The following FGF13 variants were observed in gnomAD, a reference collection of about 807,000 sequenced individuals.
FGF13 encodes the protein fibroblast growth factor homologous factor 2.
Under a neutral mutation model 19.5 loss-of-function variants are expected in FGF13, and 2 were observed. The observed-to-expected ratio is 0.10, with a 90% CI of 0.04 to 0.32. The LOEUF (loss-of-function observed/expected upper bound fraction) is 0.32. Ranked by LOEUF, FGF13 falls within the 10% of genes least tolerant of loss-of-function variation. The pLI, the probability that FGF13 is intolerant of heterozygous loss-of-function variation, is 1.00. For synonymous variants in FGF13, 72 were observed against 76.9 expected (o/e 0.94, Z 0.33); for missense variants, 113 against 192.7 (o/e 0.59, Z 2.45).
chrX:138,986,262 C>G (rs1374873658), intron 1 of FGF13, among the ~76,000 whole-genome samples: 1 of 112,012 alleles, frequency 8.9e-6, no homozygotes, highest in Admixed American at 9.5e-5. Context: ...CAATGGAGTT[C>G]AGCTCCATCT....
At position 138,732,751 on chromosome X, in the gene FGF13, G is replaced by GA. The variant is rs1031885812; in HGVS notation, c.28+6490dup. On this transcript the variant is annotated intron_variant, in intron 1 of 4. Coordinates refer to the FGF13 transcript ENST00000305414. ...ATTTTATATAAATTACACTTAAATT[G>GA]AAAAAAAAACTTTAAAAGCAATACA... 1.2e-3 allele frequency among the ~76,000 whole-genome samples: 134 copies of GA among 108,789 alleles called. 1 individual carries two copies. The highest frequency in any genetic ancestry group is 1.7e-3 in the East Asian group (6 of 3,456). 94.5% of individuals were successfully genotyped at this position (108,789 alleles called of 115,157 possible). A position where few individuals can be genotyped will look rare whatever the true frequency, so the allele number is the denominator to read the frequency against.
chrX:139,046,945 T>A (rs2092289513), intron 1 of FGF13, among the ~76,000 whole-genome samples: 1 of 111,651 alleles, frequency 9.0e-6, no homozygotes, highest in Non-Finnish European at 1.9e-5. Context: ...GCTTTGATAA[T>A]ACAAGAATTA....
chrX:138,899,365 G>GCATAGCACC (rs1245757932), intron 1 of FGF13, among the ~76,000 whole-genome samples: 1 of 111,230 alleles, frequency 9.0e-6, no homozygotes, highest in Non-Finnish European at 1.9e-5. Flanking sequence ...GTCATGTGCA[G>GCATAGCACC]CATAGCACCC....
downstream of FGF13, among the ~76,000 whole-genome samples, chrX:138,853,665 A>G: frequency 9.1e-6 from 1 of 109,918 alleles, no homozygotes; most frequent in East Asian, 2.9e-4. Flanking sequence ...ACATGAAAAC[A>G]GGACTATAGC....
chrX:138,954,580 C>T (rs1181180463), intron 1 of FGF13, among the ~76,000 whole-genome samples: 1 of 111,571 alleles, frequency 9.0e-6, no homozygotes, highest in Non-Finnish European at 1.9e-5. Context: ...AGAAGTTACT[C>T]AGTATCTATT....
At chrX:138,873,038 A>G (rs1345916546) in intron 1 of FGF13, among the ~76,000 whole-genome samples, 1 of 111,842 alleles carries the variant, frequency 8.9e-6, no homozygotes. Flanking sequence ...GGGGAGAAAA[A>G]GAACGTTTTG....
intron 1 of FGF13, among the ~76,000 whole-genome samples, chrX:139,093,915 T>G (rs1224486748): frequency 8.9e-6 from 1 of 112,093 alleles, no homozygotes; most frequent in Non-Finnish European, 1.9e-5. Context: ...CTCCCAACAT[T>G]TCATGGTCAG....
At chrX:138,747,004 A>C (rs897873675) in intron 3 of FGF13, among the ~76,000 whole-genome samples, 1 of 111,646 alleles carries the variant, frequency 9.0e-6, no homozygotes, top group Admixed American at 9.5e-5. Flanking sequence ...TAACCAGGGC[A>C]GACTCTAAGC....
intron 3 of FGF13, among the ~76,000 whole-genome samples, chrX:138,665,267 A>G (rs1193020650): frequency 3.6e-5 from 4 of 111,330 alleles, no homozygotes; most frequent in African/African-American, 1.3e-4. Flanking sequence ...TTCAAGTATC[A>G]TAGGGATTCC....
intron 3 of FGF13, among the ~76,000 whole-genome samples, chrX:138,667,141 GTATT>G (rs761544333): frequency 7.5e-5 from 8 of 106,379 alleles, no homozygotes; most frequent in African/African-American, 2.7e-4. Context: ...TGTATATTAT[GTATT>G]TATACATATA....
chrX:138,722,168 G>A (rs1027265097), intron 1 of FGF13, among the ~76,000 whole-genome samples: 1 of 111,678 alleles, frequency 9.0e-6, no homozygotes, highest in African/African-American at 3.3e-5. Context: ...TTCCAACCAA[G>A]GTTTCTAACT....
chrX:138,818,528 A>T, intron 3 of FGF13, among the ~76,000 whole-genome samples: 1 of 108,316 alleles, frequency 9.2e-6, no homozygotes. Flanking sequence ...ACACACACAC[A>T]CACACACACA....
intron 1 of FGF13, among the ~76,000 whole-genome samples, chrX:138,969,483 G>A (rs747980152): frequency 3.0e-4 from 33 of 111,617 alleles, no homozygotes; most frequent in Non-Finnish European, 5.8e-4. Flanking sequence ...AGCAGTTTGT[G>A]GAGAAGAATC....
chrX:138,717,369 G>A (rs1049655237), intron 1 of FGF13, among the ~76,000 whole-genome samples: 5 of 111,898 alleles, frequency 4.5e-5, no homozygotes, highest in Admixed American at 1.9e-4. Context: ...ATTGATTGCT[G>A]ATTTTTCTTC....
At chrX:138,669,135 T>G (rs2089586113) in intron 3 of FGF13, among the ~76,000 whole-genome samples, 1 of 110,495 alleles carries the variant, frequency 9.1e-6, no homozygotes, top group African/African-American at 3.3e-5. Flanking sequence ...CTTGAAATGA[T>G]CTGTATGCCA....
At chrX:138,716,103 T>G (rs1214368823), upstream of FGF13, 4 of 112,450 alleles carry the variant, frequency 3.6e-5, no homozygotes, top group African/African-American at 6.5e-5. Context: ...ACCCTTCCTA[T>G]GTGAAGATAA....
At chrX:138,905,090 A>T (rs1434550329) in intron 1 of FGF13, among the ~76,000 whole-genome samples, 11 of 111,326 alleles carry the variant, frequency 9.9e-5, no homozygotes, top group Non-Finnish European at 1.9e-4. Flanking sequence ...ACTGAGATGG[A>T]CTCTATGTCC....
intron 1 of FGF13, among the ~76,000 whole-genome samples, chrX:138,882,282 T>C (rs1324453507): frequency 9.0e-6 from 1 of 111,222 alleles, no homozygotes; most frequent in Non-Finnish European, 1.9e-5. Context: ...CTGAGACTTA[T>C]TTTGTAACCT....
chrX:139,164,093 CTT>C (rs56733431), intron 1 of FGF13, among the ~76,000 whole-genome samples: 14 of 93,820 alleles, frequency 1.5e-4, no homozygotes, highest in African/African-American at 3.5e-4. Flanking sequence ...GCTGAGTTTT[CTT>C]TTTTTTTTTT....
Sources: gnomAD v4.1 joint callset for allele counts (sites outside exome capture counted in the v4.1 genomes callset) on GRCh38, gnomAD v4.1.1 for gene constraint, MANE v1.5 for transcripts, NCBI Gene and HGNC (gene_info 2026-07-23, HGNC 2026-07-21) for gene names.